CRADD: variants seen among roughly 807,000 people sequenced by gnomAD.
CRADD encodes CARD and death domain containing adaptor protein.
In CRADD, 9 loss-of-function variants were observed where a neutral mutation model predicts 15.5. That is an observed-to-expected ratio of 0.58 (90% confidence interval 0.35 to 1.01). The LOEUF (loss-of-function observed/expected upper bound fraction) is 1.01, where lower values mean the gene tolerates loss of function less well. CRADD is among the 50% of genes least tolerant of loss of function. The pLI is 0.02. For synonymous variants in CRADD, 118 were observed against 107.6 expected (o/e 1.10, Z -0.60); for missense variants, 227 against 250.3 (o/e 0.91, Z 0.63).
intron 2 of CRADD, among the ~76,000 whole-genome samples, chr12:93,822,348 A>G (rs1489121712): frequency 6.6e-6 from 1 of 152,134 alleles, no homozygotes; most frequent in East Asian, 1.9e-4. Context: ...TAAGATGGAA[A>G]AATCTTCCTG....
At chr12:93,733,491 G>A (rs1016526853) in intron 2 of CRADD, 1 of 152,348 alleles carries the variant, frequency 6.6e-6, no homozygotes, top group African/African-American at 2.4e-5. Context: ...CCACACTGAA[G>A]AGGTGATGTC....
chr12:93,816,732 C>T (rs1957703431), intron 2 of CRADD, among the ~76,000 whole-genome samples: 1 of 152,148 alleles, frequency 6.6e-6, no homozygotes, highest in Admixed American at 6.5e-5. Context: ...CTACCCAGTT[C>T]ACCTGTCTAG....
intron 2 of CRADD, among the ~76,000 whole-genome samples, chr12:93,763,947 C>T (rs1182941724): frequency 1.3e-5 from 2 of 152,142 alleles, no homozygotes; most frequent in African/African-American, 2.4e-5. Flanking sequence ...AACCCGATTT[C>T]TTTTGGTTGT....
At chr12:93,682,447 CCTT>C (rs1219372520) in intron 2 of CRADD, among the ~76,000 whole-genome samples, 3 of 152,110 alleles carry the variant, frequency 2.0e-5, no homozygotes, top group African/African-American at 7.2e-5. Context: ...GAAGGAATGG[CCTT>C]CTTTTTTAGC....
chr12:93,883,947 C>T (rs965296497), intron 2 of CRADD, among the ~76,000 whole-genome samples: 2 of 152,198 alleles, frequency 1.3e-5, no homozygotes, highest in African/African-American at 4.8e-5. Context: ...CAGGAGGCTT[C>T]TCAGGATGTG....
At chr12:93,734,771 C>T (rs1038886689) in intron 2 of CRADD, among the ~76,000 whole-genome samples, 4 of 152,134 alleles carry the variant, frequency 2.6e-5, no homozygotes, top group Non-Finnish European at 5.9e-5. Context: ...CAGCTTCAGC[C>T]CTTTGTATGC....
intron 2 of CRADD, among the ~76,000 whole-genome samples, chr12:93,870,486 G>A (rs1958408960): frequency 6.6e-6 from 1 of 152,016 alleles, no homozygotes; most frequent in Non-Finnish European, 1.5e-5. Context: ...ACATTTTTTT[G>A]TCCATCCCAG....
chr12:93,881,463 T>C (rs1239749227), intron 2 of CRADD, among the ~76,000 whole-genome samples: 24 of 151,650 alleles, frequency 1.6e-4, no homozygotes, highest in Admixed American at 1.6e-3. Flanking sequence ...GGATCAATCC[T>C]TTGCAGCTTC....
At chr12:93,859,269 A>G (rs904928744) in intron 2 of CRADD, 1 of 452,662 alleles carries the variant, frequency 2.2e-6, no homozygotes, top group African/African-American at 2.0e-5. Flanking sequence ...AAAAGCTATA[A>G]TCAAATACAT....
chr12:93,868,494 G>A (rs906128047), intron 2 of CRADD, among the ~76,000 whole-genome samples: 3 of 152,044 alleles, frequency 2.0e-5, no homozygotes, highest in East Asian at 1.9e-4. Context: ...TAAAATATAT[G>A]TATACAATGA....
intron 2 of CRADD, among the ~76,000 whole-genome samples, chr12:93,775,813 T>C (rs1957134692): frequency 6.6e-6 from 1 of 152,220 alleles, no homozygotes; most frequent in African/African-American, 2.4e-5. Context: ...GGTGTGTCTC[T>C]TCTCTCCTTG....
intron 2 of CRADD, among the ~76,000 whole-genome samples, chr12:93,694,371 C>T (rs1955648704): frequency 6.6e-6 from 1 of 152,114 alleles, no homozygotes; most frequent in Non-Finnish European, 1.5e-5. Flanking sequence ...TCATACTCAA[C>T]AGTGGAAAAC....
intron 2 of CRADD, among the ~76,000 whole-genome samples, chr12:93,778,611 T>C (rs1173643464): frequency 6.6e-6 from 1 of 152,166 alleles, no homozygotes; most frequent in East Asian, 1.9e-4. Context: ...ACGTGAAGAA[T>C]AAAATGTTGA....
intron 2 of CRADD, among the ~76,000 whole-genome samples, chr12:93,836,757 T>C (rs1957977008): frequency 1.3e-5 from 2 of 152,194 alleles, no homozygotes; most frequent in South Asian, 4.1e-4. Flanking sequence ...CCAGCAAATA[T>C]GTAGTGAGTG....
At chr12:93,724,735 A>G (rs1159316273) in intron 2 of CRADD, among the ~76,000 whole-genome samples, 2 of 152,140 alleles carry the variant, frequency 1.3e-5, no homozygotes, top group East Asian at 3.8e-4. Flanking sequence ...GGCACATTGG[A>G]TATAATTGTT....
At chr12:93,709,730 G>A (rs1308008192) in intron 2 of CRADD, among the ~76,000 whole-genome samples, 2 of 152,174 alleles carry the variant, frequency 1.3e-5, no homozygotes, top group Non-Finnish European at 2.9e-5. Context: ...ACATTCATGT[G>A]TGTGTGTCTT....
intron 2 of CRADD, among the ~76,000 whole-genome samples, chr12:93,754,762 A>C (rs1956868739): frequency 6.6e-6 from 1 of 152,126 alleles, no homozygotes; most frequent in Admixed American, 6.6e-5. Context: ...ACTTTCTCAC[A>C]TCTTCCTGTC....
chr12:93,711,055 C>CCCCCTCT, intron 2 of CRADD, among the ~76,000 whole-genome samples: 1 of 43,508 alleles, frequency 2.3e-5, no homozygotes, highest in Non-Finnish European at 4.4e-5. Context: ...CCACCCCCGC[C>CCCCCTCT]TTTTTTTTTT....
chr12:93,706,667 G>T (rs768733146), intron 2 of CRADD, among the ~76,000 whole-genome samples: 1 of 152,188 alleles, frequency 6.6e-6, no homozygotes, highest in Non-Finnish European at 1.5e-5. Flanking sequence ...ATTTTGGGGA[G>T]CTTTTGTTTT....
Sources: gnomAD v4.1 joint callset for allele counts (sites outside exome capture counted in the v4.1 genomes callset) on GRCh38, gnomAD v4.1.1 for gene constraint, MANE v1.5 for transcripts, NCBI Gene and HGNC (gene_info 2026-07-23, HGNC 2026-07-21) for gene names.